The following RUNX1 variants were observed in gnomAD, a reference collection of about 807,000 sequenced individuals.
RUNX1 encodes runt-related transcription factor 1.
Under a neutral mutation model 42.8 loss-of-function variants are expected in RUNX1, and 19 were observed. That is an observed-to-expected ratio of 0.44 (90% CI 0.31 to 0.65). RUNX1 has a LOEUF of 0.65. Ranked by LOEUF, RUNX1 falls within the 30% of genes least tolerant of loss-of-function variation. The probability of loss-of-function intolerance (pLI) is 0.07; values close to 1 mark genes in which losing one functional copy is unlikely to be tolerated. For missense variants in RUNX1, 528 were observed against 672.0 expected, an observed-to-expected ratio of 0.79 and a Z score of 2.37; for synonymous variants, 271 against 289.4, an observed-to-expected ratio of 0.94 and a Z score of 0.64.
chr21:34,856,265 TA>T (rs371143481), intron 6 of RUNX1: 136 of 469,780 alleles, frequency 2.9e-4, no homozygotes, highest in African/African-American at 2.0e-3. Flanking sequence ...AAATGCCAGA[TA>T]ACTGCTTTAT....
chr21:34,961,573 A>G (rs1313463645), intron 2 of RUNX1, among the ~76,000 whole-genome samples: 1 of 152,184 alleles, frequency 6.6e-6, no homozygotes, highest in Non-Finnish European at 1.5e-5. Flanking sequence ...AGAGCCTATC[A>G]CTTTCTTTAA....
At chr21:34,930,485 G>A (rs2146592533) in intron 2 of RUNX1, among the ~76,000 whole-genome samples, 1 of 151,788 alleles carries the variant, frequency 6.6e-6, no homozygotes, top group South Asian at 2.1e-4. Flanking sequence ...AAGAATGAGT[G>A]CTGTGATCAA....
intron 2 of RUNX1, among the ~76,000 whole-genome samples, chr21:34,986,695 G>A (rs372240386): frequency 6.6e-5 from 10 of 151,876 alleles, no homozygotes; most frequent in Admixed American, 6.6e-4. Context: ...ATGACTCAAG[G>A]GATGTCAAGG....
chr21:34,822,480 G>C (rs1018359082), intron 7 of RUNX1, among the ~76,000 whole-genome samples: 1 of 152,182 alleles, frequency 6.6e-6, no homozygotes, highest in Non-Finnish European at 1.5e-5. Context: ...ACAAACAAAG[G>C]CTATCATTTT....
chr21:34,930,290 A>G lies in RUNX1; in HGVS notation c.59-37327T>C, dbSNP rs1487347990. ...TGTATGTATATATATATATATATAT[A>G]TAAATAAATAAATAAAATTTTACAA... On this transcript the variant is annotated intron_variant, in intron 2 of 8. Transcript: ENST00000675419. Among the ~76,000 whole-genome samples the G allele has an allele frequency of 9.0e-3, 1,246 of 139,138 alleles. 34 individuals are homozygous for G. Among genetic ancestry groups the G allele is most frequent in the African/African-American group, 0.035 (1,193 of 34,310 alleles). 91.3% of individuals were successfully genotyped at this position (139,138 alleles called of 152,430 possible).
At chr21:34,793,832 T>A (rs550202344) in intron 8 of RUNX1, among the ~76,000 whole-genome samples, 11 of 151,418 alleles carry the variant, frequency 7.3e-5, no homozygotes, top group African/African-American at 2.7e-4. Flanking sequence ...GCCTCCCGAG[T>A]AGCTGGGATT....
At chr21:34,883,917 C>T (rs1218444944) in intron 4 of RUNX1, among the ~76,000 whole-genome samples, 1 of 152,238 alleles carries the variant, frequency 6.6e-6, no homozygotes, top group East Asian at 1.9e-4. Context: ...TAGCTAGGGA[C>T]TGTGATCTTG....
At chr21:34,810,704 A>G (rs1394110197) in intron 7 of RUNX1, among the ~76,000 whole-genome samples, 1 of 152,074 alleles carries the variant, frequency 6.6e-6, no homozygotes, top group Non-Finnish European at 1.5e-5. Flanking sequence ...GATTCCTGGG[A>G]GGGTGAAATG....
At chr21:34,801,668 AC>A (rs1211390210) in intron 7 of RUNX1, among the ~76,000 whole-genome samples, 2 of 152,154 alleles carry the variant, frequency 1.3e-5, no homozygotes, top group Non-Finnish European at 2.9e-5. Context: ...GACCACAGTG[AC>A]CTGTGCTTGG....
At chr21:34,980,318 C>T (rs140977651) in intron 2 of RUNX1, among the ~76,000 whole-genome samples, 2 of 152,208 alleles carry the variant, frequency 1.3e-5, no homozygotes, top group Non-Finnish European at 1.5e-5. Context: ...TATTCACCAA[C>T]GCAGGCCAGT....
At chr21:34,850,221 T>C (rs1471968516) in intron 6 of RUNX1, among the ~76,000 whole-genome samples, 1 of 152,134 alleles carries the variant, frequency 6.6e-6, no homozygotes, top group Non-Finnish European at 1.5e-5. Context: ...GGTCCATCCA[T>C]CCCCATGGGA....
chr21:34,995,365 GA>G (rs559220073), intron 2 of RUNX1, among the ~76,000 whole-genome samples: 37 of 136,692 alleles, frequency 2.7e-4, no homozygotes, highest in African/African-American at 7.5e-4. Context: ...TTTCCTAACT[GA>G]AAAAAAAAAG....
At chr21:34,870,734 C>G (rs2057724544) in intron 5 of RUNX1, among the ~76,000 whole-genome samples, 1 of 152,048 alleles carries the variant, frequency 6.6e-6, no homozygotes, top group Non-Finnish European at 1.5e-5. Context: ...CCGAGGCAGG[C>G]AGATCACGAG....
chr21:34,987,606 G>C (rs1335041988), intron 2 of RUNX1, among the ~76,000 whole-genome samples: 1 of 152,136 alleles, frequency 6.6e-6, no homozygotes. Flanking sequence ...GTCTGGTTGA[G>C]ATCTTTATGG....
chr21:34,975,273 A>G (rs1434174588), intron 2 of RUNX1, among the ~76,000 whole-genome samples: 2 of 152,240 alleles, frequency 1.3e-5, no homozygotes, highest in African/African-American at 4.8e-5. Context: ...GGCTTCATAA[A>G]GAAGCTCTGC....
At chr21:34,993,248 A>T (rs542573652) in intron 2 of RUNX1, among the ~76,000 whole-genome samples, 1 of 152,304 alleles carries the variant, frequency 6.6e-6, no homozygotes, top group South Asian at 2.1e-4. Flanking sequence ...TCACTCCTGG[A>T]CAGGGATAAT....
intron 2 of RUNX1, among the ~76,000 whole-genome samples, chr21:34,905,907 C>T (rs2058214204): frequency 6.6e-6 from 1 of 152,158 alleles, no homozygotes; most frequent in South Asian, 2.1e-4. Flanking sequence ...CCTCTCTTTA[C>T]TGATCTTTAA....
chr21:34,849,424 GTATATATAT>G (rs2057381383), intron 6 of RUNX1, among the ~76,000 whole-genome samples: 5 of 43,652 alleles, frequency 1.1e-4, no homozygotes, highest in Non-Finnish European at 1.7e-4. Flanking sequence ...ATATTATATA[GTATATATAT>G]TATATATATA....
rs142837964 is a variant in RUNX1 at position 34,831,564 on chromosome 21, G to A, written c.805+2846C>T. ...ATCCCGGCAAGCTCGCCAAACCCCC[G>A]GTTACTGACATTTCTGTAAAGCTGA... On this transcript the variant is annotated intron_variant, in intron 7 of 8. Transcript: ENST00000675419. Among the ~76,000 whole-genome samples, 15 of 152,238 alleles carry A rather than the reference G, an allele frequency of 9.9e-5. No homozygotes were observed. The East Asian group carries it at 2.1e-3, about 22-fold the overall frequency.
Sources: gnomAD v4.1 joint callset for allele counts (sites outside exome capture counted in the v4.1 genomes callset) on GRCh38, gnomAD v4.1.1 for gene constraint, MANE v1.5 for transcripts, NCBI Gene and HGNC (gene_info 2026-07-23, HGNC 2026-07-21) for gene names.